The following MAPK10 variants were observed in gnomAD, a reference collection of about 807,000 sequenced individuals.
The protein encoded by MAPK10 is mitogen-activated protein kinase 10.
A neutral mutation model predicts 59.3 loss-of-function variants in MAPK10; 25 were observed. The observed-to-expected ratio is 0.42, with a 90% CI of 0.31 to 0.59. The LOEUF is 0.59. Ranked by LOEUF, MAPK10 falls within the 20% of genes least tolerant of loss-of-function variation. The pLI, the probability that MAPK10 is intolerant of heterozygous loss-of-function variation, is 0.15. For synonymous variants in MAPK10, 190 were observed against 200.5 expected, an observed-to-expected ratio of 0.95 and a Z score of 0.44; for missense variants, 351 against 568.9, an observed-to-expected ratio of 0.62 and a Z score of 3.90.
chr4:86,533,742 A>C (rs1345564221), intron 1 of MAPK10, among the ~76,000 whole-genome samples: 7 of 152,240 alleles, frequency 4.6e-5, no homozygotes, highest in Admixed American at 4.6e-4. Flanking sequence ...CAAGTGTATT[A>C]GTGGTTTGGA....
chr4:86,348,505 A>G (rs1729454300), intron 2 of MAPK10, among the ~76,000 whole-genome samples: 1 of 152,186 alleles, frequency 6.6e-6, no homozygotes, highest in South Asian at 2.1e-4. Flanking sequence ...ATTCATAAGT[A>G]ATAGGGACCT....
At chr4:86,334,258 C>T (rs1239587511) in intron 2 of MAPK10, among the ~76,000 whole-genome samples, 1 of 152,158 alleles carries the variant, frequency 6.6e-6, no homozygotes. Context: ...CAAACGAGTC[C>T]TGCAGATTCT....
At chr4:86,401,497 C>T (rs1406052541) in intron 1 of MAPK10, among the ~76,000 whole-genome samples, 1 of 152,156 alleles carries the variant, frequency 6.6e-6, no homozygotes, top group African/African-American at 2.4e-5. Flanking sequence ...ATACAAACTG[C>T]CACAAGATAA....
chr4:86,370,728 T>C (rs1049827958), intron 1 of MAPK10: 11 of 152,090 alleles, frequency 7.2e-5, no homozygotes, highest in Non-Finnish European at 1.5e-4. Context: ...GGAAGAAGCA[T>C]AGTCAAATAA....
chr4:86,524,403 C>T (rs1757322206), intron 1 of MAPK10, among the ~76,000 whole-genome samples: 1 of 152,176 alleles, frequency 6.6e-6, no homozygotes, highest in Non-Finnish European at 1.5e-5. Context: ...TTCTACCTTA[C>T]CTTCCACATC....
intron 8 of MAPK10, chr4:86,098,887 C>T (rs1363977548): frequency 9.9e-6 from 3 of 303,978 alleles, no homozygotes; most frequent in African/African-American, 2.1e-5. Context: ...AAAGCAATAG[C>T]TAAACCAAAA....
intron 12 of MAPK10, among the ~76,000 whole-genome samples, chr4:86,030,305 A>T (rs1033733045): frequency 6.6e-6 from 1 of 151,974 alleles, no homozygotes; most frequent in Non-Finnish European, 1.5e-5. Flanking sequence ...GTATCTTTTA[A>T]AATTTTTTTA....
At chr4:86,316,932 A>G (rs1249007870) in intron 2 of MAPK10, among the ~76,000 whole-genome samples, 1 of 152,170 alleles carries the variant, frequency 6.6e-6, no homozygotes, top group Non-Finnish European at 1.5e-5. Flanking sequence ...GCTGGATTTT[A>G]AAAAGCTTCT....
intron 2 of MAPK10, among the ~76,000 whole-genome samples, chr4:86,295,593 T>C (rs1364935956): frequency 1.3e-5 from 2 of 151,960 alleles, no homozygotes; most frequent in Non-Finnish European, 2.9e-5. Flanking sequence ...GAATAAATAT[T>C]TTAGAAAAAT....
At chr4:86,169,139 C>T (rs2073081040) in intron 3 of MAPK10, among the ~76,000 whole-genome samples, 1 of 152,086 alleles carries the variant, frequency 6.6e-6, no homozygotes. Flanking sequence ...AAACCGGAAA[C>T]TCTAAAAAGC....
chr4:86,112,956 A>G (rs184842003), intron 4 of MAPK10, among the ~76,000 whole-genome samples: 5 of 151,964 alleles, frequency 3.3e-5, no homozygotes, highest in Non-Finnish European at 7.4e-5. Flanking sequence ...GAACCCTTAC[A>G]ATTATGTAAT....
intron 4 of MAPK10, among the ~76,000 whole-genome samples, chr4:86,119,142 G>T (rs751187892): frequency 1.1e-4 from 17 of 152,132 alleles, no homozygotes; most frequent in Non-Finnish European, 1.9e-4. Flanking sequence ...ACAAGTAACA[G>T]AATTCTGAAT....
At chr4:86,105,542 G>A (rs112606338) in intron 5 of MAPK10, among the ~76,000 whole-genome samples, 1 of 151,944 alleles carries the variant, frequency 6.6e-6, no homozygotes, top group Non-Finnish European at 1.5e-5. Flanking sequence ...TGAGGATGAG[G>A]GAAATATAAA....
chr4:86,310,911 C>T (rs2095655573), intron 2 of MAPK10, among the ~76,000 whole-genome samples: 1 of 151,942 alleles, frequency 6.6e-6, no homozygotes, highest in South Asian at 2.1e-4. Context: ...AACATTAGAA[C>T]ATTACTTTTA....
intron 11 of MAPK10, among the ~76,000 whole-genome samples, chr4:86,043,579 A>G (rs2041979730): frequency 6.6e-6 from 1 of 152,160 alleles, no homozygotes; most frequent in African/African-American, 2.4e-5. Flanking sequence ...GTTTGCTTTG[A>G]TTCTTTGTTC....
At chr4:86,190,704 G>T (rs2079500262) in intron 3 of MAPK10, among the ~76,000 whole-genome samples, 1 of 152,058 alleles carries the variant, frequency 6.6e-6, no homozygotes, top group Admixed American at 6.6e-5. Flanking sequence ...CCAGCTCCTG[G>T]ATTCTGTGAT....
At chr4:86,121,768 A>T (rs1414584669) in intron 4 of MAPK10, among the ~76,000 whole-genome samples, 1 of 152,136 alleles carries the variant, frequency 6.6e-6, no homozygotes, top group Non-Finnish European at 1.5e-5. Flanking sequence ...TATACAATAT[A>T]TTCTTATGAA....
At chr4:86,171,535 G>T (rs533949242) in intron 3 of MAPK10, among the ~76,000 whole-genome samples, 48 of 152,110 alleles carry the variant, frequency 3.2e-4, no homozygotes, top group East Asian at 1.4e-3. Flanking sequence ...TGTAGAAAGC[G>T]GAAACTGGAT....
chr4:86,019,596 C>T (rs1745296524), intron 13 of MAPK10, among the ~76,000 whole-genome samples: 1 of 152,180 alleles, frequency 6.6e-6, no homozygotes, highest in South Asian at 2.1e-4. Flanking sequence ...AAATGCCCTG[C>T]TCTGTTTTTC....
Sources: allele counts gnomAD v4.1 joint callset (sites outside exome capture counted in the v4.1 genomes callset), GRCh38; gene constraint gnomAD v4.1.1; transcripts MANE v1.5; gene names NCBI Gene and HGNC (gene_info 2026-07-23, HGNC 2026-07-21).